POTEG: variants seen among roughly 807,000 people sequenced by gnomAD.
POTEG encodes POTE ankyrin domain family member G, also known as ANKRD26-like family C member 2.
Under a neutral mutation model 49.6 loss-of-function variants are expected in POTEG, and 2 were observed. The ratio of observed to expected loss-of-function variants is 0.04; its 90% CI spans 0.02 to 0.13. The LOEUF is 0.13. Among genes scored for constraint, POTEG ranks in the 10% least tolerant of loss-of-function variants. The pLI, the probability that POTEG is intolerant of heterozygous loss-of-function variation, is 1.00. For missense variants in POTEG, 26 were observed against 545.2 expected (o/e 0.05, Z 9.48); for synonymous variants, 7 against 186.6 (o/e 0.04, Z 7.84).
At chr14:19,415,172 T>C (rs1434248309) in intron 7 of POTEG, among the ~76,000 whole-genome samples, 1 of 144,182 alleles carries the variant, frequency 6.9e-6, no homozygotes, top group Non-Finnish European at 1.6e-5. Context: ...TGTAATATGA[T>C]AGTGTTATGT....
chr14:19,419,964 C>T (rs1883689780), intron 6 of POTEG, among the ~76,000 whole-genome samples: 1 of 143,624 alleles, frequency 7.0e-6, no homozygotes, highest in Non-Finnish European at 1.5e-5. Context: ...CATGAACTTG[C>T]CTTAGCTGAG....
At chr14:19,420,431 A>AGTATT (rs1883714254) in intron 6 of POTEG, among the ~76,000 whole-genome samples, 2 of 143,142 alleles carry the variant, frequency 1.4e-5, no homozygotes, top group African/African-American at 2.7e-5. Context: ...AGCATTAGAA[A>AGTATT]AAATGGCTAG....
At chr14:19,433,101 TATTTTTTAGTAGAG>T (rs1178019447) in intron 1 of POTEG, among the ~76,000 whole-genome samples, 1 of 145,850 alleles carries the variant, frequency 6.9e-6, no homozygotes, top group East Asian at 2.0e-4. Context: ...ATTTTTTTTA[TATTTTTTAGTAGAG>T]ACGGGGTTTC....
chr14:19,416,003 C>A (rs1384965373), intron 7 of POTEG, among the ~76,000 whole-genome samples: 1 of 148,330 alleles, frequency 6.7e-6, no homozygotes, highest in Non-Finnish European at 1.5e-5. Context: ...CACCACCACA[C>A]CCGGCTAAGA....
intron 1 of POTEG, among the ~76,000 whole-genome samples, chr14:19,433,504 A>G (rs201464395): frequency 0.15 from 9,344 of 63,074 alleles, no homozygotes; most frequent in African/African-American, 0.22. Context: ...TGCTGCATCG[A>G]CAATGTTGCG....
intron 7 of POTEG, among the ~76,000 whole-genome samples, chr14:19,415,958 C>A (rs1241461902): frequency 6.7e-6 from 1 of 149,110 alleles, no homozygotes. Flanking sequence ...CATTCTCCTG[C>A]CTCAGCCTCC....
intron 7 of POTEG, among the ~76,000 whole-genome samples, chr14:19,414,824 C>A (rs1254004892): frequency 7.2e-6 from 1 of 138,076 alleles, no homozygotes; most frequent in Non-Finnish European, 1.7e-5. Flanking sequence ...TCACTGGCTT[C>A]TAACATGTGA....
intron 7 of POTEG, among the ~76,000 whole-genome samples, chr14:19,415,309 A>C (rs1303605761): frequency 7.0e-6 from 1 of 142,832 alleles, no homozygotes; most frequent in African/African-American, 2.5e-5. Context: ...GTGTTTGTGC[A>C]CTAACACCAA....
chr14:19,432,403 T>TACACACAC (rs1555310381), intron 1 of POTEG, among the ~76,000 whole-genome samples: 30 of 44,722 alleles, frequency 6.7e-4, no homozygotes, highest in Non-Finnish European at 1.3e-3. Context: ...TATATATATA[T>TACACACAC]ACACACACAT....
At chr14:19,426,570 C>A (rs1478577933) in intron 3 of POTEG, among the ~76,000 whole-genome samples, 1 of 152,186 alleles carries the variant, frequency 6.6e-6, no homozygotes, top group Non-Finnish European at 1.5e-5. Context: ...TGAAAGACTG[C>A]TCACAGCAAA....
At chr14:19,433,381 G>C (rs1388192663) in intron 1 of POTEG, among the ~76,000 whole-genome samples, 1 of 100,706 alleles carries the variant, frequency 9.9e-6, no homozygotes, top group Non-Finnish European at 2.0e-5. Flanking sequence ...GATTTTATTT[G>C]AAGAATATTT....
intron 6 of POTEG, among the ~76,000 whole-genome samples, chr14:19,420,254 T>C (rs539765985): frequency 0.015 from 1,951 of 126,248 alleles, 2 homozygotes; most frequent in African/African-American, 0.063. Flanking sequence ...AAAATTTTCA[T>C]TCCTCATCAC....
intron 7 of POTEG, among the ~76,000 whole-genome samples, chr14:19,415,831 T>A (rs149778291): frequency 0.16 from 2,607 of 15,854 alleles, 116 homozygotes; most frequent in Middle Eastern, 0.27. Flanking sequence ...CTATTAAAAT[T>A]TTTTTTTTTT....
chr14:19,421,438 TTCATTATATATTAC>T (rs2139165981), intron 6 of POTEG, 172 bp downstream of exon 6: 1 of 778,498 alleles, frequency 1.3e-6, no homozygotes, highest in East Asian at 3.0e-5. Context: ...GTATAATTAT[TTCATTATATATTAC>T]AATGTAATAA....
At position 19,414,810 on chromosome 14, in the gene POTEG, C is replaced by T. The variant is rs1165465811; in HGVS notation, c.1198-204G>A. 3.6e-5 allele frequency among the ~76,000 whole-genome samples: 5 copies of T among 138,460 alleles called. 1 individual carries two copies. The highest frequency in any genetic ancestry group is 4.7e-4 in the South Asian group (2 of 4,284). The allele number at this position is 138,460 out of a possible 152,430, so 90.8% of individuals were successfully genotyped here. A position where few individuals can be genotyped will look rare whatever the true frequency, so the allele number is the denominator to read the frequency against. On this transcript the variant is annotated intron_variant, in intron 7 of 10. Transcript: ENST00000547848. ...TTTTTAATCTATGTTTAGCTACTGC[C>T]ACATCACTGGCTTCTAACATGTGAA... is the stretch of plus-strand genomic sequence containing the variant.
chr14:19,430,770 A>G (rs1386759344), intron 1 of POTEG, among the ~76,000 whole-genome samples: 12 of 105,480 alleles, frequency 1.1e-4, no homozygotes, highest in Admixed American at 2.0e-4. Context: ...TACATTTGCA[A>G]TAGTAATATC....
chr14:19,432,297 G>A (rs1300371934), intron 1 of POTEG, among the ~76,000 whole-genome samples: 6 of 86,286 alleles, frequency 7.0e-5, no homozygotes, highest in African/African-American at 9.2e-5. Flanking sequence ...GCAGTGAGCC[G>A]AGATCGCACC....
At chr14:19,432,993 C>T (rs1176986425) in intron 1 of POTEG, among the ~76,000 whole-genome samples, 1 of 53,892 alleles carries the variant, frequency 1.9e-5, no homozygotes, top group East Asian at 5.7e-4. Context: ...GGCGTGATCT[C>T]GGCTCACTGC....
At chr14:19,409,024 C>CA (rs1390252369) in intron 9 of POTEG, among the ~76,000 whole-genome samples, 4 of 141,840 alleles carry the variant, frequency 2.8e-5, no homozygotes, top group Non-Finnish European at 6.1e-5. Flanking sequence ...TATAAAAAGC[C>CA]AAAAGAATTT....
Sources: gnomAD v4.1 joint callset for allele counts (sites outside exome capture counted in the v4.1 genomes callset) on GRCh38, gnomAD v4.1.1 for gene constraint, MANE v1.5 for transcripts, NCBI Gene and HGNC (gene_info 2026-07-23, HGNC 2026-07-21) for gene names.